Variants in NRG4 observed in about 807,000 individuals in gnomAD.
NRG4 encodes the protein neuregulin 4, also known as pro-neuregulin-4, membrane-bound isoform.
In NRG4, 10 loss-of-function variants were observed where a neutral mutation model predicts 15.0. The ratio of observed to expected loss-of-function variants is 0.67; its 90% CI spans 0.41 to 1.13. NRG4 has a LOEUF of 1.13. NRG4 is among the 50% of genes most tolerant of loss of function. The pLI is 0.00. For synonymous variants in NRG4, 41 were observed against 50.1 expected, an observed-to-expected ratio of 0.82 and a Z score of 0.77; for missense variants, 139 against 140.2, an observed-to-expected ratio of 0.99 and a Z score of 0.04.
At chr15:76,000,046 G>A (rs556076545) in intron 3 of NRG4, among the ~76,000 whole-genome samples, 2 of 152,114 alleles carry the variant, frequency 1.3e-5, no homozygotes, top group East Asian at 3.9e-4. Flanking sequence ...ACCACACCTG[G>A]CTACTTTTTA....
chr15:76,009,913 T>C (rs1252815000), intron 2 of NRG4, among the ~76,000 whole-genome samples: 1 of 152,178 alleles, frequency 6.6e-6, no homozygotes, highest in Non-Finnish European at 1.5e-5. Context: ...AGCTAAGTCA[T>C]AGCTTGATAT....
At chr15:76,032,040 A>AT (rs1367422750) in intron 5 of NRG4, among the ~76,000 whole-genome samples, 1 of 152,230 alleles carries the variant, frequency 6.6e-6, no homozygotes, top group African/African-American at 2.4e-5. Flanking sequence ...AAGACTTTAT[A>AT]TGCTAGGCAC....
chr15:75,977,716 C>A lies in NRG4; in HGVS notation c.105-15742G>T, dbSNP rs2033430339. On this transcript the variant is annotated intron_variant, in intron 3 of 5. Coordinates refer to ENST00000394907, the MANE Select transcript of NRG4 (RefSeq NM_138573.4). The surrounding 1 kb of genome is among the most constrained non-coding windows in gnomAD (Gnocchi z 4.9). ...AAATGCAGAAATCACCTGCCTTCTGCATTGGTCTCGCTGGGAGCTGCAGAC... is the reference window on the plus strand; with the variant it reads ...AAATGCAGAAATCACCTGCCTTCTGAATTGGTCTCGCTGGGAGCTGCAGAC... 6.6e-6 allele frequency among the ~76,000 whole-genome samples: 1 copy of A among 152,188 alleles called. No homozygotes were observed. The highest frequency in any genetic ancestry group is 2.4e-5 in the African/African-American group (1 of 41,456).
At chr15:76,047,243 A>G (rs1328132796) in intron 4 of NRG4, among the ~76,000 whole-genome samples, 1 of 150,848 alleles carries the variant, frequency 6.6e-6, no homozygotes, top group Non-Finnish European at 1.5e-5. Flanking sequence ...AAATAGATCT[A>G]CCATCTGATC....
intron 3 of NRG4, among the ~76,000 whole-genome samples, chr15:75,967,857 T>A (rs563671909): frequency 5.3e-5 from 8 of 152,238 alleles, no homozygotes; most frequent in Non-Finnish European, 5.9e-5. Flanking sequence ...ATGTTGTGTA[T>A]AAATAAGTCT....
At chr15:76,057,047 A>G (rs1215948150) in intron 1 of NRG4, 1 of 152,246 alleles carries the variant, frequency 6.6e-6, no homozygotes, top group Admixed American at 6.5e-5. Context: ...TACCAAGCTT[A>G]AACCCACAGT....
intron 4 of NRG4, among the ~76,000 whole-genome samples, chr15:76,040,045 A>G (rs1276856106): frequency 6.6e-6 from 1 of 151,832 alleles, no homozygotes; most frequent in Non-Finnish European, 1.5e-5. Flanking sequence ...CCACCCCGCC[A>G]AATAAAAAAA....
upstream of NRG4, chr15:76,012,438 G>T (rs1567110218): frequency 6.6e-6 from 1 of 152,224 alleles, no homozygotes; most frequent in East Asian, 1.9e-4. Flanking sequence ...TTATATGGCT[G>T]CAGTGTGCAG....
At chr15:75,965,085 G>A (rs2032732006) in intron 3 of NRG4, among the ~76,000 whole-genome samples, 1 of 151,960 alleles carries the variant, frequency 6.6e-6, no homozygotes, top group African/African-American at 2.4e-5. Context: ...AATTAGCTGG[G>A]CATGGTGGCG....
rs770735156 is a variant in NRG4, at chr15:76,009,337, T to C, written c.11-44A>G. 1.2e-4 allele frequency: 105 copies of C among 889,230 alleles called. No homozygotes were observed. In the East Asian group the frequency reaches 2.9e-3, roughly 25 times the overall value. The allele number at this position is 889,230 out of a possible 1,614,324, so 55.1% of individuals were successfully genotyped here. Reference sequence around the variant, plus strand: ...TAAAATAGAGAAAAGCAAATTAAAGTTTTCCTAATGCAACAAGGAATAGGA... The same window carrying C: ...TAAAATAGAGAAAAGCAAATTAAAGCTTTCCTAATGCAACAAGGAATAGGA... On this transcript the variant is annotated intron_variant, in intron 2 of 5. Transcript: ENST00000394907.
At chr15:75,975,621 T>C (rs2033329801) in intron 3 of NRG4, among the ~76,000 whole-genome samples, 2 of 152,252 alleles carry the variant, frequency 1.3e-5, no homozygotes, top group Admixed American at 1.3e-4. Flanking sequence ...TTAGTTTGGC[T>C]AGATATGAAA....
chr15:76,058,270 G>A (rs900385201), intron 1 of NRG4, among the ~76,000 whole-genome samples: 2 of 151,956 alleles, frequency 1.3e-5, no homozygotes, highest in Admixed American at 6.6e-5. Context: ...CATTTCTTCC[G>A]TCTAGAAATG....
intron 4 of NRG4, among the ~76,000 whole-genome samples, chr15:75,959,384 C>G (rs1041808080): frequency 6.6e-6 from 1 of 152,096 alleles, no homozygotes; most frequent in African/African-American, 2.4e-5. Flanking sequence ...ATTTCTGGCT[C>G]TTTATCTTAT....
chr15:75,949,755 TG>T (rs1215942856), intron 5 of NRG4, among the ~76,000 whole-genome samples: 1 of 152,220 alleles, frequency 6.6e-6, no homozygotes, highest in Non-Finnish European at 1.5e-5. Flanking sequence ...GAATTTTTTT[TG>T]TGCATGGTAA....
Position 76,044,819 on chromosome 15 carries a change from C to T in NRG4, c.-105+7248G>A, listed in dbSNP as rs181150444. Among the ~76,000 whole-genome samples the T allele has an allele frequency of 4.6e-3, 643 of 141,142 alleles. 23 individuals carry two copies. The highest frequency in any genetic ancestry group is 0.04 in the Admixed American group (553 of 13,988). The allele number at this position is 141,142 out of a possible 152,430, so 92.6% of individuals were successfully genotyped here. A position where few individuals can be genotyped will look rare whatever the true frequency, so the allele number is the denominator to read the frequency against. ...TCATACCACTGCACTCCAACCTGGG[C>T]GACAGAGCGAGACTCTGTCTCAAAA... is the stretch of plus-strand genomic sequence containing the variant. On this transcript the variant is annotated intron_variant, in intron 4 of 8. Transcript: ENST00000563910.
chr15:75,967,191 A>T (rs1445794566), intron 3 of NRG4, among the ~76,000 whole-genome samples: 1 of 151,588 alleles, frequency 6.6e-6, no homozygotes, highest in Non-Finnish European at 1.5e-5. Flanking sequence ...AACCCCTACT[A>T]GATTTTTATA....
At chr15:76,038,836 C>T (rs959825082) in intron 4 of NRG4, among the ~76,000 whole-genome samples, 1 of 152,218 alleles carries the variant, frequency 6.6e-6, no homozygotes, top group African/African-American at 2.4e-5. Context: ...TCAGGTCTAA[C>T]CCAGCACAGT....
chr15:75,987,909 A>G (rs1234601075), intron 3 of NRG4, among the ~76,000 whole-genome samples: 2 of 152,206 alleles, frequency 1.3e-5, no homozygotes, highest in Non-Finnish European at 1.5e-5. Context: ...GAAGGTACAC[A>G]TGAATTTTCG....
At chr15:76,059,156 A>G (rs1230050370) in intron 1 of NRG4, among the ~76,000 whole-genome samples, 1 of 152,158 alleles carries the variant, frequency 6.6e-6, no homozygotes, top group Non-Finnish European at 1.5e-5. Flanking sequence ...GGGACGTGTA[A>G]AAAGCCTTTT....
Sources: allele counts gnomAD v4.1 joint callset (sites outside exome capture counted in the v4.1 genomes callset), GRCh38; gene constraint gnomAD v4.1.1; non-coding constraint Gnocchi (gnomAD v3.1); transcripts MANE v1.5; gene names NCBI Gene and HGNC (gene_info 2026-07-23, HGNC 2026-07-21).